The following VTI1A variants were observed in gnomAD, a reference collection of about 807,000 sequenced individuals.
VTI1A encodes vesicle transport through interaction with t-SNAREs 1A, also known as vesicle transport through interaction with t-SNAREs homolog 1A.
In VTI1A, 22 loss-of-function variants were observed where a neutral mutation model predicts 34.9. The ratio of observed to expected loss-of-function variants is 0.63; its 90% CI spans 0.45 to 0.90. The LOEUF (loss-of-function observed/expected upper bound fraction) is 0.90, where lower values mean the gene tolerates loss of function less well. Among genes scored for constraint, VTI1A ranks in the 40% least tolerant of loss-of-function variants. VTI1A has a pLI of 0.00. For missense variants in VTI1A, 268 were observed against 275.6 expected, an observed-to-expected ratio of 0.97 and a Z score of 0.20; for synonymous variants, 87 against 97.3, an observed-to-expected ratio of 0.89 and a Z score of 0.62.
chr10:112,799,084 G>A (rs147431049), intron 7 of VTI1A, among the ~76,000 whole-genome samples: 1,836 of 152,226 alleles, frequency 0.012, 74 homozygotes, highest in Admixed American at 0.08. Context: ...GTTAGGAATC[G>A]GTTATGGGCT....
At chr10:112,757,759 A>C (rs1019153708) in intron 7 of VTI1A, among the ~76,000 whole-genome samples, 3 of 152,162 alleles carry the variant, frequency 2.0e-5, no homozygotes, top group Non-Finnish European at 4.4e-5. Context: ...GAAAACAGAA[A>C]AACTTTCAAA....
rs150657993 is a variant in VTI1A, at chr10:112,599,291, G to A, written c.427+60961G>A. ...CATGATTGCATTAAGAGCATAGTAG[G>A]CAAGAAAACACAGGCAGCCAGGATG... On this transcript the variant is annotated intron_variant, in intron 5 of 7. Coordinates refer to ENST00000393077, the MANE Select transcript of VTI1A (RefSeq NM_145206.4). 1.6e-4 allele frequency among the ~76,000 whole-genome samples: 24 copies of A among 152,330 alleles called. No individual in the cohort carries two copies. The East Asian group carries it at 4.4e-3, about 28-fold the overall frequency.
chr10:112,659,656 C>T (rs1420333852), intron 5 of VTI1A, among the ~76,000 whole-genome samples: 1 of 152,166 alleles, frequency 6.6e-6, no homozygotes, highest in Non-Finnish European at 1.5e-5. Flanking sequence ...TACTCAGCTA[C>T]TGAGAAGGTA....
chr10:112,572,843 A>C (rs6585162), intron 5 of VTI1A, among the ~76,000 whole-genome samples: 1,108 of 4,296 alleles, frequency 0.26, 20 homozygotes, highest in Middle Eastern at 0.5. Flanking sequence ...CGTCTCAACC[A>C]AAAAAAAAAA....
intron 5 of VTI1A, among the ~76,000 whole-genome samples, chr10:112,666,033 A>G (rs1172678270): frequency 6.6e-6 from 1 of 152,210 alleles, no homozygotes; most frequent in Non-Finnish European, 1.5e-5. Flanking sequence ...TAATTGCTAT[A>G]TTATGTTGAT....
intron 7 of VTI1A, among the ~76,000 whole-genome samples, chr10:112,723,939 T>A (rs1000689593): frequency 6.6e-6 from 1 of 152,202 alleles, no homozygotes; most frequent in East Asian, 1.9e-4. Context: ...TTGTGGACAC[T>A]GGTGGAATAT....
At chr10:112,529,557 A>G (rs575749817) in intron 4 of VTI1A, among the ~76,000 whole-genome samples, 10 of 152,224 alleles carry the variant, frequency 6.6e-5, no homozygotes, top group African/African-American at 1.7e-4. Flanking sequence ...GCTGCTTATA[A>G]TTTATATAAG....
chr10:112,467,592 C>T (rs1847940280), intron 3 of VTI1A, among the ~76,000 whole-genome samples: 1 of 152,232 alleles, frequency 6.6e-6, no homozygotes, highest in Non-Finnish European at 1.5e-5. Context: ...TTGATATAGG[C>T]TATCATTAAC....
chr10:112,782,374 G>A (rs1003006960), intron 7 of VTI1A, among the ~76,000 whole-genome samples: 1 of 152,268 alleles, frequency 6.6e-6, no homozygotes, highest in Non-Finnish European at 1.5e-5. Context: ...ATCAGGCCAG[G>A]CCCTGCGTGA....
Position 112,724,786 on chromosome 10 carries a change from G to GA in VTI1A, c.560+55801dup, listed in dbSNP as rs5787971. 1.7e-3 allele frequency among the ~76,000 whole-genome samples: 205 copies of GA among 117,196 alleles called. 4 individuals are homozygous for GA. Among genetic ancestry groups the GA allele is most frequent in the East Asian group, 0.017 (76 of 4,346 alleles). The allele number at this position is 117,196 out of a possible 152,430, so 76.9% of individuals were successfully genotyped here. A position where few individuals can be genotyped will look rare whatever the true frequency, so the allele number is the denominator to read the frequency against. On this transcript the variant is annotated intron_variant, in intron 7 of 7. Coordinates refer to ENST00000393077, the MANE Select transcript of VTI1A (RefSeq NM_145206.4). ...TCCTTCCCCCATCCCCCCTTTTTTT[G>GA]AAAAAAAAAAAAAGAAAAAAAAACA...
At chr10:112,619,472 T>C (rs1564851699) in intron 5 of VTI1A, among the ~76,000 whole-genome samples, 1 of 152,204 alleles carries the variant, frequency 6.6e-6, no homozygotes, top group Non-Finnish European at 1.5e-5. Flanking sequence ...GCTAGACTGA[T>C]ACTCCAACAG....
At chr10:112,615,625 G>A (rs1334077887) in intron 5 of VTI1A, among the ~76,000 whole-genome samples, 1 of 152,204 alleles carries the variant, frequency 6.6e-6, no homozygotes, top group Non-Finnish European at 1.5e-5. Flanking sequence ...TAATTGGATT[G>A]ATGGAAAGTC....
chr10:112,677,259 A>G (rs975358832), intron 7 of VTI1A, among the ~76,000 whole-genome samples: 5 of 152,132 alleles, frequency 3.3e-5, no homozygotes, highest in South Asian at 2.1e-4. Context: ...GAATATTCCA[A>G]ATGAGCTTTT....
intron 3 of VTI1A, among the ~76,000 whole-genome samples, chr10:112,520,621 ATGTGTG>A (rs150383079): frequency 0.015 from 2,100 of 138,046 alleles, 26 homozygotes; most frequent in African/African-American, 0.031. Flanking sequence ...TAGTCTCTAT[ATGTGTG>A]TGTGTGTGTG....
intron 5 of VTI1A, among the ~76,000 whole-genome samples, chr10:112,546,002 GCGTATGTGTGTGTATATACGTGTATACGC>G (rs1851080277): frequency 8.1e-6 from 1 of 123,008 alleles, no homozygotes; most frequent in African/African-American, 4.6e-5. Flanking sequence ...ACGTGTATAC[GCGTATGTGTGTGTATATACGTGTATACGC>G]GTATGTGTGT....
Position 112,447,264 on chromosome 10 carries a change from T to G in VTI1A, c.-110T>G. 1 of 1,185,510 alleles carries G rather than the reference T, an allele frequency of 8.4e-7. No homozygotes were observed. Among genetic ancestry groups the G allele is most frequent in the Non-Finnish European group, 1.2e-6 (1 of 839,808 alleles). 73.4% of individuals were successfully genotyped at this position (1,185,510 alleles called of 1,614,324 possible). On this transcript the variant is annotated 5_prime_UTR_variant, in exon 1 of 8. Transcript: ENST00000393077. The stretch of plus-strand genomic sequence containing the variant: ...GAGAGCTGTCCCCGGTTCTCCGTTC[T>G]GCTCTCGGGGGCACCTTCCGGGGTT...
At chr10:112,770,610 G>T (rs1487889454) in intron 7 of VTI1A, among the ~76,000 whole-genome samples, 1 of 150,480 alleles carries the variant, frequency 6.6e-6, no homozygotes, top group Non-Finnish European at 1.5e-5. Context: ...GTTTCACCGT[G>T]TTAGCCAGGA....
chr10:112,686,479 T>TACAAACTATTTCTA (rs1009016753), intron 7 of VTI1A, among the ~76,000 whole-genome samples: 2 of 152,200 alleles, frequency 1.3e-5, no homozygotes, highest in Non-Finnish European at 1.5e-5. Context: ...AGCCCTACCC[T>TACAAACTATTTCTA]TGGGCCTGTC....
intron 5 of VTI1A, among the ~76,000 whole-genome samples, chr10:112,655,043 A>G (rs1174937544): frequency 6.6e-6 from 1 of 152,204 alleles, no homozygotes; most frequent in East Asian, 1.9e-4. Flanking sequence ...CAACCCTTAC[A>G]GTAAAACAGT....
Sources: allele counts gnomAD v4.1 joint callset (sites outside exome capture counted in the v4.1 genomes callset), GRCh38; gene constraint gnomAD v4.1.1; transcripts MANE v1.5; gene names NCBI Gene and HGNC (gene_info 2026-07-23, HGNC 2026-07-21).